Variants in AUTS2 observed in about 807,000 individuals in gnomAD.
AUTS2 encodes autism susceptibility gene 2 protein.
AUTS2 carries 17 observed loss-of-function variants against 112.4 expected under a neutral mutation model. The observed-to-expected ratio is 0.15, with a 90% CI of 0.10 to 0.23. The LOEUF is 0.23. Among genes scored for constraint, AUTS2 ranks in the 10% least tolerant of loss-of-function variants. The pLI, the probability that AUTS2 is intolerant of heterozygous loss-of-function variation, is 1.00. For synonymous variants in AUTS2, 751 were observed against 702.7 expected (o/e 1.07, Z -1.09); for missense variants, 1,510 against 1,701.6 (o/e 0.89, Z 1.98).
intron 3 of AUTS2, among the ~76,000 whole-genome samples, chr7:70,124,637 A>G (rs1805864514): frequency 6.6e-6 from 1 of 151,240 alleles, no homozygotes; most frequent in African/African-American, 2.4e-5. Context: ...ATCTTGGCTC[A>G]CTGCAACCTC....
At chr7:70,093,060 T>C (rs2129568006) in intron 2 of AUTS2, among the ~76,000 whole-genome samples, 1 of 152,322 alleles carries the variant, frequency 6.6e-6, no homozygotes, top group Non-Finnish European at 1.5e-5. Flanking sequence ...TAATAAAAAT[T>C]TCTTGTCCCT....
At chr7:69,653,811 G>T (rs1370606272) in intron 1 of AUTS2, among the ~76,000 whole-genome samples, 3 of 152,056 alleles carry the variant, frequency 2.0e-5, no homozygotes, top group African/African-American at 7.2e-5. Flanking sequence ...CTGACCTGAG[G>T]CTCACCCTGC....
chr7:70,596,960 A>T (rs1366720092), intron 5 of AUTS2, among the ~76,000 whole-genome samples: 5 of 152,212 alleles, frequency 3.3e-5, no homozygotes, highest in Admixed American at 6.5e-5. Context: ...GTCCTAATTG[A>T]GTGGAATTAC....
intron 5 of AUTS2, among the ~76,000 whole-genome samples, chr7:70,523,962 A>G (rs1195885338): frequency 6.6e-6 from 1 of 152,250 alleles, no homozygotes; most frequent in Non-Finnish European, 1.5e-5. Flanking sequence ...TGATTTCTTC[A>G]TAAACCTGGC....
At chr7:69,611,626 T>C (rs544249868) in intron 1 of AUTS2, among the ~76,000 whole-genome samples, 2 of 152,350 alleles carry the variant, frequency 1.3e-5, no homozygotes, top group East Asian at 1.9e-4. Context: ...TCTACCTCTG[T>C]TGATCATTTT....
At chr7:70,412,507 C>G (rs755507682) in intron 4 of AUTS2, among the ~76,000 whole-genome samples, 1 of 152,152 alleles carries the variant, frequency 6.6e-6, no homozygotes, top group Non-Finnish European at 1.5e-5. Flanking sequence ...AGCTGTTAAC[C>G]TAGCCAAAAG....
intron 1 of AUTS2, among the ~76,000 whole-genome samples, chr7:69,865,384 G>C (rs947228946): frequency 3.3e-5 from 5 of 152,044 alleles, no homozygotes; most frequent in African/African-American, 1.2e-4. Context: ...TTTAAAATTT[G>C]GTAGTCTCTG....
At chr7:69,928,301 G>A (rs949036198) in intron 2 of AUTS2, among the ~76,000 whole-genome samples, 2 of 152,282 alleles carry the variant, frequency 1.3e-5, no homozygotes, top group African/African-American at 4.8e-5. Context: ...TCTCACTCGG[G>A]GTTATGGACT....
intron 1 of AUTS2, among the ~76,000 whole-genome samples, chr7:69,744,286 G>T (rs879695458): frequency 2.0e-5 from 3 of 152,084 alleles, no homozygotes; most frequent in Admixed American, 2.0e-4. Flanking sequence ...ACAAATCTTT[G>T]TGCAGCTATG....
chr7:70,416,729 C>T (rs1562945373), intron 4 of AUTS2, among the ~76,000 whole-genome samples: 1 of 152,346 alleles, frequency 6.6e-6, no homozygotes, highest in South Asian at 2.1e-4. Context: ...GCAGCGCCTG[C>T]TGCGGTCACG....
intron 1 of AUTS2, among the ~76,000 whole-genome samples, chr7:69,860,535 C>T (rs965871099): frequency 6.6e-6 from 1 of 152,034 alleles, no homozygotes; most frequent in Non-Finnish European, 1.5e-5. Flanking sequence ...CACAATTTAC[C>T]AGGGAACCAT....
At chr7:70,545,030 C>A (rs1285684340) in intron 5 of AUTS2, among the ~76,000 whole-genome samples, 1 of 152,178 alleles carries the variant, frequency 6.6e-6, no homozygotes, top group Non-Finnish European at 1.5e-5. Flanking sequence ...TTTGGACAGG[C>A]CTGAAATTTC....
At chr7:70,602,692 C>T (rs1182342494) in intron 5 of AUTS2, among the ~76,000 whole-genome samples, 2 of 152,138 alleles carry the variant, frequency 1.3e-5, no homozygotes, top group Non-Finnish European at 2.9e-5. Flanking sequence ...CAGGCTGGGT[C>T]GTAATTAGAG....
chr7:69,745,637 G>A (rs539561640), intron 1 of AUTS2, among the ~76,000 whole-genome samples: 1 of 152,122 alleles, frequency 6.6e-6, no homozygotes, highest in Non-Finnish European at 1.5e-5. Flanking sequence ...CTTGCTGCAG[G>A]TCTGTTGAGT....
chr7:70,129,901 T>G lies in AUTS2; in HGVS notation c.625-4635T>G, dbSNP rs1020231683. The stretch of plus-strand genomic sequence containing the variant: ...TCTCAATCAAATATATATATATATA[T>G]TGTGTGTGTGTGTGTGTGTGTGTGT... On this transcript the variant is annotated intron_variant, in intron 3 of 18. Transcript: ENST00000342771. Among the ~76,000 whole-genome samples, 8 of 147,322 alleles carry G rather than the reference T, an allele frequency of 5.4e-5. No homozygotes were observed. The East Asian group carries it at 6.0e-4, about 11-fold the overall frequency.
rs1191031763 is a variant in AUTS2, at chr7:69,599,975, C to T, written c.309+13C>T. 6.2e-7 allele frequency: 1 copy of T among 1,612,676 alleles called. No homozygotes were observed. The highest frequency in any genetic ancestry group is 1.3e-5 in the African/African-American group (1 of 75,012). On this transcript the variant is annotated intron_variant, in intron 1 of 18. Transcript: ENST00000342771. The surrounding 1 kb of genome is among the most constrained non-coding windows in gnomAD (Gnocchi z 7.0). ...TGAAGCGCTGGAGGTAAGGGGGACCCCCCTTCCCCCGGGTTCCCTTTATGC... is the reference window on the plus strand; with the variant it reads ...TGAAGCGCTGGAGGTAAGGGGGACCTCCCTTCCCCCGGGTTCCCTTTATGC...
intron 1 of AUTS2, among the ~76,000 whole-genome samples, chr7:69,660,655 T>C (rs1218127581): frequency 2.0e-5 from 3 of 152,190 alleles, no homozygotes; most frequent in Non-Finnish European, 2.9e-5. Flanking sequence ...ATAGTGCATT[T>C]TGGCCAGGCA....
intron 2 of AUTS2, among the ~76,000 whole-genome samples, chr7:70,089,602 T>A (rs1224654310): frequency 6.6e-6 from 1 of 152,166 alleles, no homozygotes; most frequent in African/African-American, 2.4e-5. Context: ...ATTTAGACTG[T>A]TTATATACTT....
intron 1 of AUTS2, among the ~76,000 whole-genome samples, chr7:69,728,933 G>A (rs546245633): frequency 1.3e-5 from 2 of 152,166 alleles, no homozygotes; most frequent in South Asian, 4.1e-4. Flanking sequence ...ATTTTTTAGT[G>A]TTTTCCTAGT....
Sources: allele counts gnomAD v4.1 joint callset (sites outside exome capture counted in the v4.1 genomes callset), GRCh38; gene constraint gnomAD v4.1.1; non-coding constraint Gnocchi (gnomAD v3.1); transcripts MANE v1.5; gene names NCBI Gene and HGNC (gene_info 2026-07-23, HGNC 2026-07-21).